ADAM9: variants seen among roughly 807,000 people sequenced by gnomAD.
The protein encoded by ADAM9 is disintegrin and metalloproteinase domain-containing protein 9.
In ADAM9, 54 loss-of-function variants were observed where a neutral mutation model predicts 108.1. That is an observed-to-expected ratio of 0.50 (90% CI 0.40 to 0.63). The LOEUF is 0.63. ADAM9 is among the 20% of genes least tolerant of loss of function. ADAM9 has a pLI of 0.00. For missense variants in ADAM9, 830 were observed against 997.7 expected, an observed-to-expected ratio of 0.83 and a Z score of 2.26; for synonymous variants, 316 against 336.0, an observed-to-expected ratio of 0.94 and a Z score of 0.65.
intron 8 of ADAM9, among the ~76,000 whole-genome samples, chr8:39,022,793 A>G (rs1049680251): frequency 1.3e-5 from 2 of 151,992 alleles, no homozygotes; most frequent in Admixed American, 1.3e-4. Context: ...GGCTCACTGC[A>G]GACTCTGCCT....
At chr8:39,009,911 GGA>G (rs138490995) in intron 2 of ADAM9, among the ~76,000 whole-genome samples, 178 of 84,730 alleles carry the variant, frequency 2.1e-3, no homozygotes, top group South Asian at 5.8e-3. Flanking sequence ...GGGGGGGCAG[GGA>G]GAGAGAGAGA....
chr8:39,052,969 A>G (rs1588388972), intron 12 of ADAM9, among the ~76,000 whole-genome samples: 1 of 152,118 alleles, frequency 6.6e-6, no homozygotes, highest in African/African-American at 2.4e-5. Flanking sequence ...TGGGAGTTCT[A>G]ATTGTTTCAT....
At chr8:39,055,452 T>C in intron 13 of ADAM9, 125 bp from the exon 14 acceptor site, 1 of 944,242 alleles carries the variant, frequency 1.1e-6, no homozygotes, top group Non-Finnish European at 1.7e-6. Flanking sequence ...CATTTTTCTG[T>C]TGGGTTATTT....
At chr8:39,039,676 C>T (rs780779267) in intron 11 of ADAM9, among the ~76,000 whole-genome samples, 15 of 152,226 alleles carry the variant, frequency 9.9e-5, no homozygotes, top group Non-Finnish European at 1.9e-4. Context: ...TTGCTTCACG[C>T]AGCATAACAT....
At chr8:39,035,433 T>C (rs1425214420) in intron 11 of ADAM9, among the ~76,000 whole-genome samples, 2 of 152,224 alleles carry the variant, frequency 1.3e-5, no homozygotes, top group African/African-American at 4.8e-5. Flanking sequence ...TTTATTGGAC[T>C]TTATCTGCTC....
intron 1 of ADAM9, among the ~76,000 whole-genome samples, chr8:38,999,431 G>A (rs1835929913): frequency 6.6e-6 from 1 of 151,836 alleles, no homozygotes; most frequent in Non-Finnish European, 1.5e-5. Flanking sequence ...GTAATTATGA[G>A]GAACAGATTT....
chr8:39,071,255 G>T, intron 14 of ADAM9, 43 bp from the exon 15 acceptor site: 1 of 1,576,340 alleles, frequency 6.3e-7, no homozygotes, highest in Non-Finnish European at 8.7e-7. Flanking sequence ...AAGCTAAATT[G>T]CCATAACTTT....
At chr8:39,001,474 T>C (rs866771650) in intron 1 of ADAM9, among the ~76,000 whole-genome samples, 1 of 152,226 alleles carries the variant, frequency 6.6e-6, no homozygotes, top group Middle Eastern at 3.2e-3. Flanking sequence ...AATTCTTTGC[T>C]GGAGGAACTT....
At chr8:39,029,628 A>G (rs182191290) in intron 11 of ADAM9, among the ~76,000 whole-genome samples, 4 of 152,250 alleles carry the variant, frequency 2.6e-5, no homozygotes, top group African/African-American at 9.6e-5. Context: ...CCTTTTTGGC[A>G]CCTGTTGAGA....
intron 9 of ADAM9, among the ~76,000 whole-genome samples, chr8:39,023,856 C>T (rs1011178227): frequency 2.0e-5 from 3 of 147,454 alleles, no homozygotes; most frequent in Non-Finnish European, 4.5e-5. Flanking sequence ...AAGCAATTCT[C>T]CTGCCTCAGC....
chr8:38,997,597 G>A (rs1002388535), intron 1 of ADAM9, among the ~76,000 whole-genome samples: 2 of 152,198 alleles, frequency 1.3e-5, no homozygotes, highest in Non-Finnish European at 2.9e-5. Context: ...AGTTAATGTC[G>A]CTTGGAAAGA....
Position 39,083,070 on chromosome 8 carries a change from A to G in ADAM9, c.2065A>G (p.Asn689Asp), listed in dbSNP as rs146127999. 104 of 1,612,792 alleles carry G rather than the reference A, an allele frequency of 6.4e-5. No individual in the cohort carries two copies. In the African/African-American group the frequency reaches 1.1e-3, roughly 17 times the overall value. ...GGSVDSGPTY[N>D]EMNTALRDGL... ...AAGTGTGGACAGTGGACCTACATAC[A>G]ATGGCAAGTAATATAGAAGAAAATT... The change falls in exon 18 of 22, where the codon AAT (asparagine) becomes GAT (aspartate). Residue 689 changes from asparagine to aspartate, a missense_variant. Physicochemically the swap from Asn to Asp is conservative, Grantham distance 23. Around this residue, in one of 3 missense-constraint regions of ADAM9, gnomAD observed 238 missense variants for 235.7 expected, o/e 1.01. Coordinates refer to ENST00000487273, the MANE Select transcript of ADAM9 (RefSeq NM_003816.3).
At chr8:39,058,536 G>A (rs532547753) in intron 14 of ADAM9, among the ~76,000 whole-genome samples, 8 of 152,232 alleles carry the variant, frequency 5.3e-5, no homozygotes, top group Non-Finnish European at 8.8e-5. Context: ...AGGGATCTCC[G>A]GCATTCTAGA....
Position 39,055,710 on chromosome 8 carries a change from C to T in ADAM9, c.1529C>T (p.Ala510Val). ...GGATATCCTTGCCAGAATAACAAAG[C>T]CTATTGCTACAACGGCATGTGCCAG... ...QNGYPCQNNKAYCYNGMCQYY... is the reference protein window; with the variant it reads ...QNGYPCQNNKVYCYNGMCQYY... The change falls in exon 14 of 22, where the codon GCC becomes GTC. Residue 510 changes from alanine (A) to valine (V), a missense_variant. Transcript: ENST00000487273. 6.2e-7 allele frequency: 1 copy of T among 1,613,632 alleles called. No individual in the cohort carries two copies. The highest frequency in any genetic ancestry group is 8.5e-7 in the Non-Finnish European group (1 of 1,179,748).
At chr8:39,060,359 C>G (rs939619426) in intron 14 of ADAM9, among the ~76,000 whole-genome samples, 3 of 152,228 alleles carry the variant, frequency 2.0e-5, no homozygotes, top group Admixed American at 6.5e-5. Context: ...TGCCTGACAG[C>G]CTGGACCTAT....
chr8:39,031,024 G>A (rs1045591419), intron 11 of ADAM9, among the ~76,000 whole-genome samples: 1 of 152,106 alleles, frequency 6.6e-6, no homozygotes. Context: ...CTACTAGTCT[G>A]CAGCTTATCT....
At chr8:39,093,838 C>T (rs944402009) in intron 20 of ADAM9, among the ~76,000 whole-genome samples, 7 of 152,188 alleles carry the variant, frequency 4.6e-5, no homozygotes, top group East Asian at 3.8e-4. Flanking sequence ...GGCACGATCT[C>T]GGCTTACTGC....
At chr8:39,013,880 T>A (rs1836437591) in intron 3 of ADAM9, 85 bp from the exon 4 acceptor site, 2 of 1,030,188 alleles carry the variant, frequency 1.9e-6, no homozygotes, top group African/African-American at 1.6e-5. Flanking sequence ...CCTGCTTGTC[T>A]CCTCTAGGAA....
chr8:39,004,660 T>C lies in ADAM9; in HGVS notation c.98-3226T>C, dbSNP rs1836105479. Among the ~76,000 whole-genome samples, 3 of 152,240 alleles carry C rather than the reference T, an allele frequency of 2.0e-5. No individual in the cohort carries two copies. In the South Asian group the frequency reaches 6.2e-4, roughly 31 times the overall value. On this transcript the variant is annotated intron_variant, in intron 1 of 21. Transcript: ENST00000487273. Reference sequence around the variant, plus strand: ...GCACGGGCTGCTCAGCTGAGTATACTGATAGTTGCTTCTTGGTTATATGCC... The same window carrying C: ...GCACGGGCTGCTCAGCTGAGTATACCGATAGTTGCTTCTTGGTTATATGCC...
Sources: gnomAD v4.1 joint callset for allele counts (sites outside exome capture counted in the v4.1 genomes callset) on GRCh38, gnomAD v4.1.1 for gene constraint, gnomAD v4.1.1 regional missense constraint, MANE v1.5 for transcripts, NCBI Gene and HGNC (gene_info 2026-07-23, HGNC 2026-07-21) for gene names.